Variants in CYTH1 observed in about 807,000 individuals in gnomAD.
CYTH1 encodes cytohesin 1.
CYTH1 carries 18 observed loss-of-function variants against 61.8 expected under a neutral mutation model. That is an observed-to-expected ratio of 0.29 (90% confidence interval 0.20 to 0.43). The LOEUF is 0.43. Among genes scored for constraint, CYTH1 ranks in the 20% least tolerant of loss-of-function variants. CYTH1 has a pLI of 1.00. For synonymous variants in CYTH1, 174 were observed against 184.3 expected (o/e 0.94, Z 0.45); for missense variants, 336 against 510.5 (o/e 0.66, Z 3.29).
chr17:78,678,856 T>C (rs1163622569), intron 13 of CYTH1, among the ~76,000 whole-genome samples: 1 of 152,210 alleles, frequency 6.6e-6, no homozygotes, highest in African/African-American at 2.4e-5. Context: ...AGAGGTAGGT[T>C]ACCCACCTAC....
At chr17:78,779,507 A>C (rs1439540708) in intron 1 of CYTH1, among the ~76,000 whole-genome samples, 1 of 152,086 alleles carries the variant, frequency 6.6e-6, no homozygotes, top group Non-Finnish European at 1.5e-5. Context: ...TCCGGGTACT[A>C]ATCCCCAGAA....
intron 1 of CYTH1, among the ~76,000 whole-genome samples, chr17:78,730,155 T>G (rs2093285478): frequency 6.6e-6 from 1 of 152,126 alleles, no homozygotes; most frequent in South Asian, 2.1e-4. Context: ...GTCTGAATTC[T>G]GTGACTCAGA....
chr17:78,680,916 C>A, intron 12 of CYTH1, 55 bp downstream of exon 12: 2 of 1,566,860 alleles, frequency 1.3e-6, no homozygotes, highest in Non-Finnish European at 1.7e-6. Context: ...TAAAAAAAAT[C>A]TTTGAAATGC....
chr17:78,719,251 G>A (rs1254448718), intron 1 of CYTH1, among the ~76,000 whole-genome samples: 1 of 152,208 alleles, frequency 6.6e-6, no homozygotes, highest in Non-Finnish European at 1.5e-5. Flanking sequence ...AAAGCAAACA[G>A]TAAGCTAAGA....
intron 1 of CYTH1, among the ~76,000 whole-genome samples, chr17:78,761,476 C>T (rs887034384): frequency 3.3e-5 from 5 of 152,206 alleles, no homozygotes; most frequent in Admixed American, 1.3e-4. Context: ...CGGTGGCTCA[C>T]GCCTGTAATC....
chr17:78,757,923 T>C (rs1205866074), intron 1 of CYTH1, among the ~76,000 whole-genome samples: 1 of 150,866 alleles, frequency 6.6e-6, no homozygotes, highest in African/African-American at 2.4e-5. Flanking sequence ...AAAAAAAAAA[T>C]TCAAAAAAAA....
chr17:78,717,259 G>A lies in CYTH1; in HGVS notation c.23-7527C>T, dbSNP rs1387803855. ...GGGGAGCCGCCCTGACACACCACCC[G>A]GTCGCTCGCCCTCCTCGCCCATTGC... On this transcript the variant is annotated intron_variant, in intron 1 of 13. Transcript: ENST00000446868. This position sits in a 1 kb window ranked among gnomAD's most constrained non-coding sequence, Gnocchi z 4.4. Among the ~76,000 whole-genome samples the A allele has an allele frequency of 6.6e-6, 1 of 152,116 alleles. No homozygotes were observed. The highest frequency in any genetic ancestry group is 1.9e-4 in the East Asian group (1 of 5,190).
At chr17:78,770,004 G>C (rs1442315264) in intron 1 of CYTH1, among the ~76,000 whole-genome samples, 1 of 152,082 alleles carries the variant, frequency 6.6e-6, no homozygotes, top group Non-Finnish European at 1.5e-5. Flanking sequence ...ACAAAACTGA[G>C]CTGGGCATGG....
At position 78,692,563 on chromosome 17, in the gene CYTH1, G is replaced by A. The variant is rs565847103; in HGVS notation, c.815-70C>T. On this transcript the variant is annotated intron_variant, in intron 10 of 13. Coordinates refer to ENST00000446868, the MANE Select transcript of CYTH1 (RefSeq NM_004762.6). ...CAAGTGCAGGCTCCACGACACACAC[G>A]ACACCCTCTCTTCTCAGAGAGGGTT... 81 of 1,435,214 alleles carry A rather than the reference G, an allele frequency of 5.6e-5. 3 individuals are homozygous for A. The highest frequency in any genetic ancestry group is 4.5e-4 in the African/African-American group (32 of 71,282). The allele number at this position is 1,435,214 out of a possible 1,614,324, so 88.9% of individuals were successfully genotyped here.
chr17:78,765,777 A>G (rs2093446062), intron 1 of CYTH1, among the ~76,000 whole-genome samples: 2 of 152,224 alleles, frequency 1.3e-5, no homozygotes, highest in African/African-American at 2.4e-5. Flanking sequence ...ACCAGAGTCC[A>G]CAGCTGAGCT....
intron 11 of CYTH1, among the ~76,000 whole-genome samples, chr17:78,686,379 G>A (rs374371634): frequency 1.3e-5 from 2 of 152,152 alleles, no homozygotes; most frequent in Non-Finnish European, 2.9e-5. Context: ...GTTTGAAGAC[G>A]GAAACCTTGC....
At chr17:78,738,781 G>T (rs1269671816) in intron 1 of CYTH1, among the ~76,000 whole-genome samples, 1 of 152,130 alleles carries the variant, frequency 6.6e-6, no homozygotes, top group African/African-American at 2.4e-5. Flanking sequence ...CTATCTTCTG[G>T]TATCAGGTCT....
chr17:78,697,734 G>A (rs1450211140), intron 9 of CYTH1, among the ~76,000 whole-genome samples: 2 of 152,118 alleles, frequency 1.3e-5, no homozygotes, highest in South Asian at 2.1e-4. Context: ...AGGAAGTGAC[G>A]ATGCACTGGG....
chr17:78,712,085 G>A (rs2093138464), intron 1 of CYTH1, among the ~76,000 whole-genome samples: 1 of 122,016 alleles, frequency 8.2e-6, no homozygotes, highest in African/African-American at 2.9e-5. Context: ...AAGAAAGAAG[G>A]AAAGAAGGAA....
intron 1 of CYTH1, chr17:78,716,995 T>C (rs2093186387): frequency 6.6e-6 from 1 of 152,252 alleles, no homozygotes. Flanking sequence ...TTCATGCCGC[T>C]TCTCTCCTGT....
At chr17:78,685,203 CAAAAAAAAAAAA>C (rs58642161) in intron 11 of CYTH1, among the ~76,000 whole-genome samples, 1 of 60,446 alleles carries the variant, frequency 1.7e-5, no homozygotes, top group Admixed American at 1.8e-4. Flanking sequence ...GACTCTGTCT[CAAAAAAAAAAAA>C]AAAAAAAAAG....
intron 1 of CYTH1, among the ~76,000 whole-genome samples, chr17:78,716,622 C>A (rs904510221): frequency 1.3e-5 from 2 of 152,184 alleles, no homozygotes; most frequent in African/African-American, 4.8e-5. Context: ...AACTACACCT[C>A]ATTTTTCTAG....
rs146046169 is a variant in CYTH1, at chr17:78,702,142, G to T, written c.336C>A (p.Ile112=). The change falls in exon 5 of 14, where the codon ATC becomes ATA. Residue 112 remains isoleucine (I), a synonymous_variant. Coordinates refer to ENST00000446868, the MANE Select transcript of CYTH1 (RefSeq NM_004762.6). ...CTTACCTCTCCCCTAGGTAGTCGCC[G>T]ATGGCTGTCTTGTTGAGCCCTTCGC... The part of the protein sequence containing the change: ...YKGEGLNKTA[I]GDYLGERDEF... The T allele has an allele frequency of 4.3e-6, 7 of 1,614,002 alleles. No individual in the cohort carries two copies. The highest frequency in any genetic ancestry group is 5.1e-6 in the Non-Finnish European group (6 of 1,179,886).
intron 1 of CYTH1, among the ~76,000 whole-genome samples, chr17:78,719,255 G>C (rs2093208165): frequency 6.6e-6 from 1 of 152,202 alleles, no homozygotes; most frequent in Non-Finnish European, 1.5e-5. Flanking sequence ...CAAACAGTAA[G>C]CTAAGAGGTT....
Sources: allele counts gnomAD v4.1 joint callset (sites outside exome capture counted in the v4.1 genomes callset), GRCh38; gene constraint gnomAD v4.1.1; non-coding constraint Gnocchi (gnomAD v3.1); transcripts MANE v1.5; gene names NCBI Gene and HGNC (gene_info 2026-07-23, HGNC 2026-07-21).